The following EPHA5 variants were observed in gnomAD, a reference collection of about 807,000 sequenced individuals.
The protein encoded by EPHA5 is EPH receptor A5, also known as ephrin type-A receptor 5.
In EPHA5, 60 loss-of-function variants were observed where a neutral mutation model predicts 105.0. The ratio of observed to expected loss-of-function variants is 0.57; its 90% CI spans 0.46 to 0.71. EPHA5 has a LOEUF of 0.71. Ranked by LOEUF, EPHA5 falls within the 30% of genes least tolerant of loss-of-function variation. The pLI is 0.00. For synonymous variants in EPHA5, 513 were observed against 449.1 expected (o/e 1.14, Z -1.80); for missense variants, 1,218 against 1,274.7 (o/e 0.96, Z 0.68).
chr4:65,589,335 C>T (rs1382171930), intron 3 of EPHA5, among the ~76,000 whole-genome samples: 1 of 151,994 alleles, frequency 6.6e-6, no homozygotes, highest in Non-Finnish European at 1.5e-5. Context: ...AAGCCCTCCT[C>T]AAATGTAAGT....
intron 3 of EPHA5, among the ~76,000 whole-genome samples, chr4:65,502,106 A>T (rs1181495732): frequency 6.6e-6 from 1 of 151,874 alleles, no homozygotes; most frequent in Non-Finnish European, 1.5e-5. Flanking sequence ...TTAATTCAAG[A>T]TGAACTAAAG....
chr4:65,321,657 C>A lies in EPHA5; in HGVS notation c.*2457G>T. Reference sequence around the variant, plus strand: ...ATGATCACCAAGATTGCAAAGAAGGCAAATAAATTTGATCCAAATTAATTT... The same window carrying A: ...ATGATCACCAAGATTGCAAAGAAGGAAAATAAATTTGATCCAAATTAATTT... On this transcript the variant is annotated 3_prime_UTR_variant, in exon 17 of 17. Transcript: ENST00000613740. The A allele has an allele frequency of 4.4e-6, 1 of 228,952 alleles. No individual in the cohort carries two copies. The highest frequency in any genetic ancestry group is 8.7e-6 in the Non-Finnish European group (1 of 115,342). The allele number at this position is 228,952 out of a possible 1,614,324, so 14.2% of individuals were successfully genotyped here.
Position 65,396,491 on chromosome 4 carries a change from T to C in EPHA5, c.1793+7883A>G, listed in dbSNP as rs575477590. On this transcript the variant is annotated intron_variant, in intron 8 of 16. Coordinates refer to ENST00000613740, the MANE Select transcript of EPHA5 (RefSeq NM_001281766.3). Reference sequence around the variant, plus strand: ...TTTTCGGTACGACCTTTGTATCTCATATAGTTTCAGAGAAGGGGATGAGCC... The same window carrying C: ...TTTTCGGTACGACCTTTGTATCTCACATAGTTTCAGAGAAGGGGATGAGCC... Among the ~76,000 whole-genome samples the C allele has an allele frequency of 3.9e-5, 6 of 152,254 alleles. No individual in the cohort carries two copies. In the South Asian group the frequency reaches 1.2e-3, roughly 32 times the overall value.
At chr4:65,328,733 G>C (rs932587702) in intron 16 of EPHA5, among the ~76,000 whole-genome samples, 5 of 151,058 alleles carry the variant, frequency 3.3e-5, no homozygotes, top group Non-Finnish European at 5.9e-5. Flanking sequence ...TTGGCAAGAA[G>C]AGATTTAACC....
At chr4:65,444,898 A>T (rs895747735) in intron 5 of EPHA5, among the ~76,000 whole-genome samples, 5 of 152,046 alleles carry the variant, frequency 3.3e-5, no homozygotes, top group African/African-American at 1.2e-4. Context: ...TACCTAAAAA[A>T]ATTGATATTT....
intron 3 of EPHA5, among the ~76,000 whole-genome samples, chr4:65,574,643 C>CATAT (rs1332435521): frequency 2.0e-4 from 13 of 65,174 alleles, no homozygotes; most frequent in Non-Finnish European, 3.2e-4. Context: ...TATATATACA[C>CATAT]ATATATATAC....
intron 3 of EPHA5, among the ~76,000 whole-genome samples, chr4:65,539,026 T>C (rs1485185896): frequency 6.6e-6 from 1 of 151,734 alleles, no homozygotes; most frequent in Non-Finnish European, 1.5e-5. Context: ...GTTTGAGCTG[T>C]TGTGTTTTAT....
At chr4:65,543,469 A>T (rs1737048520) in intron 3 of EPHA5, among the ~76,000 whole-genome samples, 1 of 151,812 alleles carries the variant, frequency 6.6e-6, no homozygotes. Flanking sequence ...AACTCCCATT[A>T]ACAATTGCTA....
chr4:65,399,093 G>T (rs568103920), intron 8 of EPHA5, among the ~76,000 whole-genome samples: 2 of 152,186 alleles, frequency 1.3e-5, no homozygotes, highest in African/African-American at 4.8e-5. Context: ...TGGGTGCTCC[G>T]AGTCAGGAAT....
chr4:65,418,525 AAT>A (rs1723608619), intron 6 of EPHA5, among the ~76,000 whole-genome samples: 1 of 152,210 alleles, frequency 6.6e-6, no homozygotes, highest in Non-Finnish European at 1.5e-5. Context: ...TTTGGTGAAT[AAT>A]GTATTTAATA....
chr4:65,328,462 G>C (rs1167795029), intron 16 of EPHA5, among the ~76,000 whole-genome samples: 1 of 151,204 alleles, frequency 6.6e-6, no homozygotes, highest in Non-Finnish European at 1.5e-5. Flanking sequence ...TCTATCTACA[G>C]ATGATTCATT....
At chr4:65,516,353 A>C (rs1734102174) in intron 3 of EPHA5, among the ~76,000 whole-genome samples, 1 of 152,210 alleles carries the variant, frequency 6.6e-6, no homozygotes, top group Admixed American at 6.6e-5. Context: ...TGTTCATTAA[A>C]TGGAAGTGGA....
chr4:65,371,961 C>T (rs879940322), intron 8 of EPHA5, among the ~76,000 whole-genome samples: 21 of 151,810 alleles, frequency 1.4e-4, no homozygotes, highest in African/African-American at 2.4e-4. Context: ...GATTAAGAGA[C>T]GCTTTTCCTA....
At chr4:65,457,998 C>T (rs369443522) in intron 5 of EPHA5, among the ~76,000 whole-genome samples, 3 of 147,200 alleles carry the variant, frequency 2.0e-5, no homozygotes, top group African/African-American at 5.0e-5. Flanking sequence ...CGCTTGAACC[C>T]GAGAGGCGGA....
intron 14 of EPHA5, among the ~76,000 whole-genome samples, chr4:65,338,043 TA>T (rs1397638105): frequency 6.6e-6 from 1 of 152,014 alleles, no homozygotes; most frequent in Non-Finnish European, 1.5e-5. Flanking sequence ...TAACATAACT[TA>T]TTAAAATTTA....
intron 2 of EPHA5, among the ~76,000 whole-genome samples, chr4:65,634,419 T>C (rs996160560): frequency 1.3e-5 from 2 of 152,088 alleles, no homozygotes; most frequent in East Asian, 1.9e-4. Flanking sequence ...TTGTCTTATA[T>C]ACAGAAGCAG....
At chr4:65,368,453 C>G (rs906565189) in intron 8 of EPHA5, among the ~76,000 whole-genome samples, 3 of 152,108 alleles carry the variant, frequency 2.0e-5, no homozygotes, top group African/African-American at 7.2e-5. Context: ...GCCTTGGTCC[C>G]TTAAAAGCAA....
At chr4:65,508,493 T>C (rs1015771739) in intron 3 of EPHA5, among the ~76,000 whole-genome samples, 1 of 152,108 alleles carries the variant, frequency 6.6e-6, no homozygotes, top group Non-Finnish European at 1.5e-5. Context: ...TCATAGTTCA[T>C]TAACTCAGAA....
intron 6 of EPHA5, among the ~76,000 whole-genome samples, chr4:65,418,862 CTTTTTTTTTTTTTTTTTTTT>C (rs575608289): frequency 8.5e-5 from 4 of 47,074 alleles, no homozygotes; most frequent in African/African-American, 3.3e-4. Flanking sequence ...TACCTAAACT[CTTTTTTTTTTTTTTTTTTTT>C]TTTTTTTTTT....
Sources: gnomAD v4.1 joint callset for allele counts (sites outside exome capture counted in the v4.1 genomes callset) on GRCh38, gnomAD v4.1.1 for gene constraint, MANE v1.5 for transcripts, NCBI Gene and HGNC (gene_info 2026-07-23, HGNC 2026-07-21) for gene names.